The following ZEB1 variants were observed in gnomAD, a reference collection of about 807,000 sequenced individuals.
The protein encoded by ZEB1 is zinc finger E-box-binding homeobox 1.
In ZEB1, 21 loss-of-function variants were observed where a neutral mutation model predicts 84.9. The ratio of observed to expected loss-of-function variants is 0.25; its 90% CI spans 0.18 to 0.36. The LOEUF is 0.36. ZEB1 is among the 10% of genes least tolerant of loss of function. ZEB1 has a pLI of 1.00. For synonymous variants in ZEB1, 420 were observed against 471.1 expected (o/e 0.89, Z 1.41); for missense variants, 1,104 against 1,330.2 (o/e 0.83, Z 2.65).
At position 31,479,238 on chromosome 10, in the gene ZEB1, A is replaced by C. The variant is rs189660955; in HGVS notation, c.260-16538A>C. Among the ~76,000 whole-genome samples the C allele has an allele frequency of 4.6e-5, 7 of 152,012 alleles. No homozygotes were observed. In the East Asian group the frequency reaches 1.4e-3, roughly 29 times the overall value. ...GACCAAGGAAGGAGATTGAAGCTGT[A>C]ATCAAAAATCTCCCAACAAAGACAA... On this transcript the variant is annotated intron_variant, in intron 2 of 8. Coordinates refer to ENST00000424869, the MANE Select transcript of ZEB1 (RefSeq NM_001174096.2).
At chr10:31,333,446 C>A (rs1381304308) in intron 1 of ZEB1, among the ~76,000 whole-genome samples, 2 of 151,992 alleles carry the variant, frequency 1.3e-5, no homozygotes, top group African/African-American at 4.8e-5. Context: ...TGTTTAGTTT[C>A]AGACAGACAT....
At chr10:31,411,638 C>CA (rs11440732) in intron 1 of ZEB1, among the ~76,000 whole-genome samples, 78,541 of 98,024 alleles carry the variant, frequency 0.8, 31,256 homozygotes, top group East Asian at 0.95. Context: ...GACTCCGTCT[C>CA]AAAAAAAAAA....
At chr10:31,477,690 G>C (rs1175782757) in intron 2 of ZEB1, among the ~76,000 whole-genome samples, 4 of 151,912 alleles carry the variant, frequency 2.6e-5, no homozygotes, top group African/African-American at 9.7e-5. Context: ...ATAGAACAAA[G>C]AACTCATAAA....
chr10:31,331,737 G>A (rs1392471893), intron 1 of ZEB1, among the ~76,000 whole-genome samples: 1 of 152,150 alleles, frequency 6.6e-6, no homozygotes, highest in Admixed American at 6.5e-5. Context: ...CATACAGGGG[G>A]AATATTATGT....
chr10:31,510,185 T>A (rs2069721632), intron 4 of ZEB1, among the ~76,000 whole-genome samples: 1 of 152,162 alleles, frequency 6.6e-6, no homozygotes, highest in Admixed American at 6.5e-5. Context: ...GTTTACTCTT[T>A]GATGATGATG....
intron 6 of ZEB1, among the ~76,000 whole-genome samples, chr10:31,516,540 A>T (rs1015594660): frequency 0.057 from 119 of 2,078 alleles, no homozygotes; most frequent in Non-Finnish European, 0.2. Context: ...GTCTGTAAGT[A>T]AAAAAAAAAA....
At chr10:31,359,901 C>T (rs1289451301) in intron 1 of ZEB1, among the ~76,000 whole-genome samples, 2 of 152,292 alleles carry the variant, frequency 1.3e-5, no homozygotes, top group East Asian at 3.9e-4. Flanking sequence ...CAGGAAGACA[C>T]TGCCTCAGGG....
At chr10:31,335,856 A>G (rs757365017) in intron 1 of ZEB1, among the ~76,000 whole-genome samples, 4 of 152,226 alleles carry the variant, frequency 2.6e-5, no homozygotes, top group Non-Finnish European at 4.4e-5. Flanking sequence ...TGTAACCCAG[A>G]AAAATTCACA....
Position 31,389,149 on chromosome 10 carries a change from A to G in ZEB1, c.58+69857A>G, listed in dbSNP as rs80144841. 5.6e-3 allele frequency among the ~76,000 whole-genome samples: 852 copies of G among 152,228 alleles called. 13 individuals are homozygous for G. The highest frequency in any genetic ancestry group is 0.02 in the African/African-American group (815 of 41,568). The stretch of plus-strand genomic sequence containing the variant: ...CTATGAGATCTTGCCGTCTGTATCT[A>G]CAGTATCAAAAATAAGATCATTTCC... On this transcript the variant is annotated intron_variant, in intron 1 of 8. Transcript: ENST00000424869.
At chr10:31,323,525 T>TC (rs1043484593) in intron 1 of ZEB1, among the ~76,000 whole-genome samples, 2 of 152,166 alleles carry the variant, frequency 1.3e-5, no homozygotes, top group Admixed American at 6.5e-5. Flanking sequence ...CTGGTAGCCC[T>TC]CCCCCACCTT....
At chr10:31,448,600 G>A (rs1281802870) in intron 1 of ZEB1, among the ~76,000 whole-genome samples, 1 of 151,508 alleles carries the variant, frequency 6.6e-6, no homozygotes. Context: ...CGGTGTGGAT[G>A]TCCTTTCTGT....
intron 1 of ZEB1, among the ~76,000 whole-genome samples, chr10:31,406,113 T>G (rs899964583): frequency 2.0e-5 from 3 of 152,202 alleles, no homozygotes; most frequent in African/African-American, 7.2e-5. Flanking sequence ...TTGAATTGGT[T>G]CCAAGTTTTT....
At chr10:31,474,932 A>G (rs550384088) in intron 2 of ZEB1, among the ~76,000 whole-genome samples, 1 of 152,200 alleles carries the variant, frequency 6.6e-6, no homozygotes, top group Non-Finnish European at 1.5e-5. Context: ...GAAATTGGAA[A>G]TCATCATTCT....
At chr10:31,411,147 C>T (rs1007658672) in intron 1 of ZEB1, among the ~76,000 whole-genome samples, 27 of 152,036 alleles carry the variant, frequency 1.8e-4, no homozygotes, top group Admixed American at 7.9e-4. Context: ...TGCAAAAGAA[C>T]GGAAATCATA....
At chr10:31,489,056 A>G (rs921789874) in intron 2 of ZEB1, among the ~76,000 whole-genome samples, 2 of 151,288 alleles carry the variant, frequency 1.3e-5, no homozygotes, top group African/African-American at 4.8e-5. Context: ...CAGTTAATGC[A>G]AGAGGAGTAT....
rs756107398 is a variant in ZEB1 at position 31,319,298 on chromosome 10, TGGCGGAGGGGACCGGGGAGC to T, written c.58+14_58+33del. On this transcript the variant is annotated splice_region_variant and intron_variant, in intron 1 of 8. Transcript: ENST00000424869. ...GAACCCGCGGCGCAATAACGGTGAG[TGGCGGAGGGGACCGGGGAGC>T]GGCGGAGTCAGGGGGAGCTGGGCAG... is the stretch of plus-strand genomic sequence containing the variant. 1 of 1,535,818 alleles carries T rather than the reference TGGCGGAGGGGACCGGGGAGC, an allele frequency of 6.5e-7. No individual in the cohort carries two copies. The highest frequency in any genetic ancestry group is 1.2e-5 in the South Asian group (1 of 84,638).
intron 2 of ZEB1, among the ~76,000 whole-genome samples, chr10:31,461,552 T>G (rs161233): frequency 0.078 from 11,884 of 152,162 alleles, 661 homozygotes; most frequent in African/African-American, 0.16. Context: ...ATACTCTACT[T>G]AGAAACCAAT....
intron 1 of ZEB1, among the ~76,000 whole-genome samples, chr10:31,414,449 A>T (rs2054854171): frequency 6.6e-6 from 1 of 152,192 alleles, no homozygotes; most frequent in Non-Finnish European, 1.5e-5. Flanking sequence ...TAAAAGGTTA[A>T]TTGGAGCATA....
intron 1 of ZEB1, among the ~76,000 whole-genome samples, chr10:31,342,901 G>C (rs2039651090): frequency 6.6e-6 from 1 of 152,086 alleles, no homozygotes; most frequent in Non-Finnish European, 1.5e-5. Context: ...TCTAAATCTT[G>C]TATCTCTCCC....
Sources: allele counts gnomAD v4.1 joint callset (sites outside exome capture counted in the v4.1 genomes callset), GRCh38; gene constraint gnomAD v4.1.1; transcripts MANE v1.5; gene names NCBI Gene and HGNC (gene_info 2026-07-23, HGNC 2026-07-21).